The following PTPRM variants were observed in gnomAD, a reference collection of about 807,000 sequenced individuals.
PTPRM encodes the protein protein tyrosine phosphatase receptor type M.
Under a neutral mutation model 186.7 loss-of-function variants are expected in PTPRM, and 47 were observed. That is an observed-to-expected ratio of 0.25 (90% confidence interval 0.20 to 0.32). The LOEUF (loss-of-function observed/expected upper bound fraction) is 0.32. Among genes scored for constraint, PTPRM ranks in the 10% least tolerant of loss-of-function variants. The pLI is 1.00. For missense variants in PTPRM, 1,494 were observed against 1,865.0 expected, an observed-to-expected ratio of 0.80 and a Z score of 3.66; for synonymous variants, 668 against 674.9, an observed-to-expected ratio of 0.99 and a Z score of 0.16.
intron 19 of PTPRM, among the ~76,000 whole-genome samples, chr18:8,284,704 C>T (rs1318791042): frequency 2.6e-5 from 4 of 152,092 alleles, no homozygotes; most frequent in African/African-American, 9.7e-5. Context: ...GTTACGATTG[C>T]ACCACTGCCC....
rs73939462 is a variant in PTPRM at position 8,373,059 on chromosome 18, G to A, written c.3171+2053G>A. Among the ~76,000 whole-genome samples the A allele has an allele frequency of 3.8e-3, 585 of 152,314 alleles. 4 individuals are homozygous for A. Among genetic ancestry groups the A allele is most frequent in the African/African-American group, 0.013 (552 of 41,550 alleles). On this transcript the variant is annotated intron_variant, in intron 24 of 32. Transcript: ENST00000580170. ...ACCAGTGAAGAGGTGGTGGAGGGAA[G>A]AGAAGGAATAAGGAGCTTGTTAATG...
chr18:8,032,876 GTTAAGGTTTAACCCCATAGAGA>G (rs996456108), intron 7 of PTPRM, among the ~76,000 whole-genome samples: 10 of 152,140 alleles, frequency 6.6e-5, no homozygotes, highest in African/African-American at 2.2e-4. Context: ...CCCCCTATAG[GTTAAGGTTTAACCCCATAGAGA>G]TTAAGGTTTA....
At chr18:8,159,957 T>C (rs1032809178) in intron 14 of PTPRM, among the ~76,000 whole-genome samples, 2 of 151,950 alleles carry the variant, frequency 1.3e-5, no homozygotes, top group Non-Finnish European at 2.9e-5. Flanking sequence ...TCCCTACGTG[T>C]AGTAGTATGA....
At chr18:7,615,183 T>G (rs1249043505) in intron 1 of PTPRM, among the ~76,000 whole-genome samples, 1 of 152,224 alleles carries the variant, frequency 6.6e-6, no homozygotes, top group Non-Finnish European at 1.5e-5. Context: ...AACAAAAACC[T>G]CATCATTTAA....
In PTPRM at chr18:7,904,335, C is replaced by T. The variant is rs563924293; in HGVS notation, c.469-2170C>T. Among the ~76,000 whole-genome samples, 1,140 of 152,178 alleles carry T rather than the reference C, an allele frequency of 7.5e-3. 12 individuals carry two copies. The highest frequency in any genetic ancestry group is 0.025 in the African/African-American group (1,058 of 41,512). On this transcript the variant is annotated intron_variant, in intron 3 of 32. Transcript: ENST00000580170. ...TACCTGAATAGGCTTGTGTATCTTC[C>T]ACCACAGTGACGATGCTAAACAATT... is the stretch of plus-strand genomic sequence containing the variant.
intron 1 of PTPRM, among the ~76,000 whole-genome samples, chr18:7,699,313 C>G (rs1471314349): frequency 6.6e-6 from 1 of 152,298 alleles, no homozygotes; most frequent in South Asian, 2.1e-4. Context: ...AGTCCTTTGT[C>G]AGATATACTT....
At chr18:7,757,087 C>T (rs2041534457) in intron 1 of PTPRM, among the ~76,000 whole-genome samples, 2 of 152,152 alleles carry the variant, frequency 1.3e-5, no homozygotes, top group African/African-American at 4.8e-5. Context: ...TTTTGGAATG[C>T]TCTGTATGTG....
intron 19 of PTPRM, among the ~76,000 whole-genome samples, chr18:8,268,423 T>A (rs919767520): frequency 2.6e-5 from 4 of 152,096 alleles, no homozygotes; most frequent in Non-Finnish European, 5.9e-5. Flanking sequence ...GCAAGGAGAT[T>A]CAATCACTAA....
intron 4 of PTPRM, among the ~76,000 whole-genome samples, chr18:7,912,388 A>G (rs535435245): frequency 6.6e-6 from 1 of 152,348 alleles, no homozygotes; most frequent in South Asian, 2.1e-4. Context: ...CTACATGACT[A>G]TTCTGCTACA....
chr18:8,038,065 G>C (rs377138902), intron 7 of PTPRM, among the ~76,000 whole-genome samples: 1 of 152,000 alleles, frequency 6.6e-6, no homozygotes, highest in Admixed American at 6.6e-5. Context: ...TTAACTTATG[G>C]TGCATATTCA....
intron 7 of PTPRM, among the ~76,000 whole-genome samples, chr18:8,056,000 C>T (rs578083647): frequency 1.1e-4 from 17 of 152,104 alleles, no homozygotes; most frequent in South Asian, 2.1e-4. Context: ...CTACATCCTA[C>T]GCAATTAAAA....
At chr18:8,298,044 C>T (rs143561547) in intron 20 of PTPRM, among the ~76,000 whole-genome samples, 20 of 152,258 alleles carry the variant, frequency 1.3e-4, no homozygotes, top group African/African-American at 4.3e-4. Context: ...TGCCCCTGTC[C>T]CCAGGACAAA....
chr18:7,985,072 T>A (rs1568131659), intron 7 of PTPRM, among the ~76,000 whole-genome samples: 1 of 129,176 alleles, frequency 7.7e-6, no homozygotes, highest in African/African-American at 3.0e-5. Flanking sequence ...TAATTGTATA[T>A]ACATATATAA....
chr18:8,015,579 CT>C (rs34189198), intron 7 of PTPRM, among the ~76,000 whole-genome samples: 51,392 of 151,702 alleles, frequency 0.34, 9,574 homozygotes, highest in Non-Finnish European at 0.43. Flanking sequence ...ACCTTGCTTA[CT>C]TTGATAGGGC....
At chr18:8,164,653 CAT>C (rs1261989020) in intron 14 of PTPRM, among the ~76,000 whole-genome samples, 1 of 152,044 alleles carries the variant, frequency 6.6e-6, no homozygotes, top group African/African-American at 2.4e-5. Context: ...TAGTCAAATT[CAT>C]AGAGACAGAA....
intron 15 of PTPRM, 109 bp from the exon 16 acceptor site, chr18:8,247,736 C>A (rs78327892): frequency 5.3e-6 from 4 of 753,238 alleles, no homozygotes; most frequent in South Asian, 1.6e-5. Context: ...CAGTGAGTCC[C>A]GGAGTCACCG....
At chr18:7,772,357 T>TTCTTTCTTTCTTTCTTTCTTTC (rs2042332663) in intron 1 of PTPRM, among the ~76,000 whole-genome samples, 1 of 31,064 alleles carries the variant, frequency 3.2e-5, no homozygotes, top group African/African-American at 8.2e-5. Context: ...TTCTCTTTCT[T>TTCTTTCTTTCTTTCTTTCTTTC]TCTTTCTTTC....
At chr18:7,906,266 G>A (rs2049977031) in intron 3 of PTPRM, among the ~76,000 whole-genome samples, 2 of 152,078 alleles carry the variant, frequency 1.3e-5, no homozygotes, top group African/African-American at 2.4e-5. Flanking sequence ...TTCACTATGG[G>A]TTTTCTAAGT....
chr18:7,774,046 G>A, intron 1 of PTPRM, 103 bp from the exon 2 acceptor site: 1 of 1,183,924 alleles, frequency 8.4e-7, no homozygotes, highest in Non-Finnish European at 1.2e-6. Flanking sequence ...GATTTAGTTT[G>A]GCATCAAACT....
Sources: gnomAD v4.1 joint callset for allele counts (sites outside exome capture counted in the v4.1 genomes callset) on GRCh38, gnomAD v4.1.1 for gene constraint, MANE v1.5 for transcripts, NCBI Gene and HGNC (gene_info 2026-07-23, HGNC 2026-07-21) for gene names.